The following COPS7B variants were observed in gnomAD, a reference collection of about 807,000 sequenced individuals.
COPS7B encodes the protein COP9 signalosome complex subunit 7b.
In COPS7B, 9 loss-of-function variants were observed where a neutral mutation model predicts 33.4. That is an observed-to-expected ratio of 0.27 (90% CI 0.16 to 0.47). The LOEUF is 0.47. Ranked by LOEUF, COPS7B falls within the 20% of genes least tolerant of loss-of-function variation. The pLI is 0.99. For synonymous variants in COPS7B, 119 were observed against 126.3 expected, an observed-to-expected ratio of 0.94 and a Z score of 0.39; for missense variants, 242 against 318.2, an observed-to-expected ratio of 0.76 and a Z score of 1.82.
At chr2:231,798,349 C>T (rs567725536) in intron 5 of COPS7B, among the ~76,000 whole-genome samples, 46 of 150,648 alleles carry the variant, frequency 3.1e-4, no homozygotes, top group Non-Finnish European at 4.0e-4. Context: ...CTCCGCCTCC[C>T]GGGTTCAAGT....
At chr2:231,798,631 C>T (rs2049649399) in intron 5 of COPS7B, among the ~76,000 whole-genome samples, 1 of 152,162 alleles carries the variant, frequency 6.6e-6, no homozygotes, top group Admixed American at 6.5e-5. Context: ...AAGCTGTATT[C>T]TAAGAAACTA....
chr2:231,787,077 CT>C (rs1348142752), intron 1 of COPS7B, among the ~76,000 whole-genome samples: 1 of 151,884 alleles, frequency 6.6e-6, no homozygotes, highest in African/African-American at 2.4e-5. Context: ...TTGGAAGGGC[CT>C]TTTCGCTCCT....
chr2:231,804,781 A>G (rs1207879954), intron 6 of COPS7B, among the ~76,000 whole-genome samples: 2 of 152,182 alleles, frequency 1.3e-5, no homozygotes, highest in Non-Finnish European at 2.9e-5. Flanking sequence ...ATTTGATTAA[A>G]ATTTTGTCAG....
upstream of COPS7B, chr2:231,781,899 AC>A: frequency 6.5e-7 from 1 of 1,548,804 alleles, no homozygotes; most frequent in Non-Finnish European, 8.7e-7. Context: ...GCTGCAAACA[AC>A]AAACAAAAAC....
At position 231,808,455 on chromosome 2, in the gene COPS7B, T is replaced by G; in HGVS notation, c.*810T>G. 2.1e-6 allele frequency: 1 copy of G among 471,652 alleles called. No homozygotes were observed. The highest frequency in any genetic ancestry group is 7.0e-5 in the East Asian group (1 of 14,370). 29.2% of individuals were successfully genotyped at this position (471,652 alleles called of 1,614,324 possible). A position where few individuals can be genotyped will look rare whatever the true frequency, so the allele number is the denominator to read the frequency against. On this transcript the variant is annotated 3_prime_UTR_variant, in exon 7 of 7. Coordinates refer to ENST00000350033, the MANE Select transcript of COPS7B (RefSeq NM_022730.4). The stretch of plus-strand genomic sequence containing the variant: ...GCCCACTGGAACTGCCGGCTAATGC[T>G]TGCTCTCCCAAGATCTTTAACTCCT...
At chr2:231,782,497 C>T (rs1182589587), upstream of COPS7B, among the ~76,000 whole-genome samples, 1 of 152,244 alleles carries the variant, frequency 6.6e-6, no homozygotes, top group Admixed American at 6.5e-5. Context: ...TCTTGGCCTT[C>T]CTTCCTCTGC....
In COPS7B at chr2:231,807,974, T is replaced by C. The variant is rs1461471635; in HGVS notation, c.*329T>C. 4.5e-6 allele frequency: 1 copy of C among 223,416 alleles called. No homozygotes were observed. The highest frequency in any genetic ancestry group is 2.3e-5 in the African/African-American group (1 of 43,360). The allele number at this position is 223,416 out of a possible 1,614,324, so 13.8% of individuals were successfully genotyped here. ...AGTTTTTCTTTTGCTCCACGTCATT[T>C]TGTCAGGCTGGTTATAAGCCGGAGG... On this transcript the variant is annotated 3_prime_UTR_variant, in exon 7 of 7. Coordinates refer to ENST00000350033, the MANE Select transcript of COPS7B (RefSeq NM_022730.4).
At chr2:231,805,274 C>G (rs958461743) in intron 6 of COPS7B, among the ~76,000 whole-genome samples, 22 of 152,040 alleles carry the variant, frequency 1.4e-4, no homozygotes, top group African/African-American at 5.3e-4. Flanking sequence ...TGCCAGGTGA[C>G]TCACTGAATG....
chr2:231,789,188 T>G (rs2049338493), intron 2 of COPS7B: 1 of 157,114 alleles, frequency 6.4e-6, no homozygotes, highest in Non-Finnish European at 1.4e-5. Context: ...AGTGTTGTGC[T>G]AAATGTGTTA....
intron 3 of COPS7B, 79 bp from the exon 4 acceptor site, chr2:231,794,184 G>C (rs2049500259): frequency 1.8e-6 from 2 of 1,108,194 alleles, no homozygotes; most frequent in Non-Finnish European, 2.7e-6. Context: ...TTGGTTTGGG[G>C]AGTTGGTGAG....
In COPS7B at chr2:231,808,134, T is replaced by C; in HGVS notation, c.*489T>C. 1.2e-5 allele frequency: 3 copies of C among 254,080 alleles called. No homozygotes were observed. The highest frequency in any genetic ancestry group is 2.3e-5 in the Non-Finnish European group (3 of 128,700). 15.7% of individuals were successfully genotyped at this position (254,080 alleles called of 1,614,324 possible). A position where few individuals can be genotyped will look rare whatever the true frequency, so the allele number is the denominator to read the frequency against. ...TTTCTAGCCAGGCGTCAAGATGCGC[T>C]GCTTTCCCTCTCCTGCCTCATCCCT... On this transcript the variant is annotated 3_prime_UTR_variant, in exon 7 of 7. Coordinates refer to ENST00000350033, the MANE Select transcript of COPS7B (RefSeq NM_022730.4).
chr2:231,808,231 A>T lies in COPS7B; in HGVS notation c.*586A>T, dbSNP rs1047697900. On this transcript the variant is annotated 3_prime_UTR_variant, in exon 7 of 7. Coordinates refer to ENST00000350033, the MANE Select transcript of COPS7B (RefSeq NM_022730.4). Reference sequence around the variant, plus strand: ...GTGTTTACTAAACCCACGGGTTTTCAGCCTCTTAAGCCCAGCTCCGATCTC... The same window carrying T: ...GTGTTTACTAAACCCACGGGTTTTCTGCCTCTTAAGCCCAGCTCCGATCTC... The T allele has an allele frequency of 2.0e-5, 7 of 341,502 alleles. No homozygotes were observed. The highest frequency in any genetic ancestry group is 4.2e-5 in the Non-Finnish European group (7 of 168,046). 21.2% of individuals were successfully genotyped at this position (341,502 alleles called of 1,614,324 possible).
At chr2:231,802,575 T>G (rs568788363) in intron 6 of COPS7B, among the ~76,000 whole-genome samples, 1 of 152,250 alleles carries the variant, frequency 6.6e-6, no homozygotes, top group Non-Finnish European at 1.5e-5. Context: ...CATAAGGAAC[T>G]CTACCAAATT....
At chr2:231,783,026 C>T (rs2049166045), upstream of COPS7B, among the ~76,000 whole-genome samples, 1 of 152,134 alleles carries the variant, frequency 6.6e-6, no homozygotes, top group African/African-American at 2.4e-5. Flanking sequence ...TTTCTCTGTT[C>T]TTGAATTCCA....
chr2:231,803,544 A>G (rs1203063085), intron 6 of COPS7B, among the ~76,000 whole-genome samples: 1 of 152,212 alleles, frequency 6.6e-6, no homozygotes, highest in Non-Finnish European at 1.5e-5. Flanking sequence ...TACAGGAGAA[A>G]ATGGCTTGAG....
At chr2:231,782,946 C>T (rs1413250780), upstream of COPS7B, among the ~76,000 whole-genome samples, 1 of 152,158 alleles carries the variant, frequency 6.6e-6, no homozygotes, top group Non-Finnish European at 1.5e-5. Flanking sequence ...CTTAGTGCTC[C>T]CTCCCAATCA....
At chr2:231,791,268 G>T in intron 2 of COPS7B, 1 of 158,720 alleles carries the variant, frequency 6.3e-6, no homozygotes, top group Admixed American at 6.2e-5. Flanking sequence ...TGATGTGCTG[G>T]TCTCTCCCAG....
In COPS7B at chr2:231,786,476, C is replaced by T. The variant is rs1054572179; in HGVS notation, c.-79C>T. The T allele has an allele frequency of 4.9e-5, 48 of 986,024 alleles. No individual in the cohort carries two copies. Among genetic ancestry groups the T allele is most frequent in the Middle Eastern group, 5.2e-4 (1 of 1,914 alleles). The allele number at this position is 986,024 out of a possible 1,614,324, so 61.1% of individuals were successfully genotyped here. ...CGGGGTGATCATGGACGCTTGACAA[C>T]CTGCGGGCAGGCGCCGGGAGGCCGA... On this transcript the variant is annotated 5_prime_UTR_variant, in exon 1 of 7. Coordinates refer to ENST00000350033, the MANE Select transcript of COPS7B (RefSeq NM_022730.4).
chr2:231,786,369 C>A, upstream of COPS7B: 1 of 880,154 alleles, frequency 1.1e-6, no homozygotes, highest in Non-Finnish European at 1.4e-6. Flanking sequence ...CTTGTGTGGG[C>A]GGAACGCGAG....
Sources: gnomAD v4.1 joint callset for allele counts (sites outside exome capture counted in the v4.1 genomes callset) on GRCh38, gnomAD v4.1.1 for gene constraint, MANE v1.5 for transcripts, NCBI Gene and HGNC (gene_info 2026-07-23, HGNC 2026-07-21) for gene names.